The following KCNG3 variants were observed in gnomAD, a reference collection of about 807,000 sequenced individuals.
KCNG3 encodes potassium voltage-gated channel modifier subfamily G member 3.
Under a neutral mutation model 29.0 loss-of-function variants are expected in KCNG3, and 15 were observed. That is an observed-to-expected ratio of 0.52 (90% confidence interval 0.35 to 0.80). KCNG3 has a LOEUF of 0.80. Ranked by LOEUF, KCNG3 falls within the 30% of genes least tolerant of loss-of-function variation. The pLI, the probability that KCNG3 is intolerant of heterozygous loss-of-function variation, is 0.01. For missense variants in KCNG3, 512 were observed against 605.7 expected, an observed-to-expected ratio of 0.85 and a Z score of 1.62; for synonymous variants, 322 against 248.9, an observed-to-expected ratio of 1.29 and a Z score of -2.76.
chr2:42,393,077 T>C, the KCNG3 span, among the ~76,000 whole-genome samples: 4 of 152,158 alleles, frequency 2.6e-5, no homozygotes, highest in Admixed American at 6.6e-5. Context: ...AGCTAATCTC[T>C]CTGTGCCTCA....
At position 42,493,619 on chromosome 2, in the gene KCNG3, C is replaced by T. The variant is rs1261835227; in HGVS notation, c.-118G>A. On this transcript the variant is annotated 5_prime_UTR_variant, in exon 1 of 2. Coordinates refer to ENST00000306078, the MANE Select transcript of KCNG3 (RefSeq NM_133329.6). ...GGGGAGCGCGCCGTCGGGGCCCGCG[C>T]TCCCTCGGGGCTCCGCTCCTGCCCT... The T allele has an allele frequency of 6.7e-6, 6 of 900,858 alleles. No individual in the cohort carries two copies. The highest frequency in any genetic ancestry group is 8.8e-5 in the Admixed American group (2 of 22,618). 55.8% of individuals were successfully genotyped at this position (900,858 alleles called of 1,614,324 possible).
chr2:42,438,798 G>C (rs1447819704), downstream of KCNG3, among the ~76,000 whole-genome samples: 1 of 152,162 alleles, frequency 6.6e-6, no homozygotes, highest in East Asian at 1.9e-4. Context: ...CAAATCTATG[G>C]AAGGCTTCAC....
chr2:42,405,006 T>C, the KCNG3 span, among the ~76,000 whole-genome samples: 1 of 152,248 alleles, frequency 6.6e-6, no homozygotes, highest in South Asian at 2.1e-4. Flanking sequence ...TTTAGAATTA[T>C]GGCCATTGCT....
intron 1 of KCNG3, among the ~76,000 whole-genome samples, chr2:42,475,193 G>C (rs988943446): frequency 1.4e-4 from 21 of 152,144 alleles, no homozygotes; most frequent in Non-Finnish European, 2.9e-5. Context: ...CTGTGCTACT[G>C]GGTGCAGTGT....
intron 1 of KCNG3, among the ~76,000 whole-genome samples, chr2:42,465,549 T>C (rs1426062143): frequency 6.6e-6 from 1 of 152,152 alleles, no homozygotes; most frequent in Non-Finnish European, 1.5e-5. Context: ...ACAGGAGTAA[T>C]GTTTGTGACT....
At chr2:42,421,028 C>T in the KCNG3 span, among the ~76,000 whole-genome samples, 5 of 152,282 alleles carry the variant, frequency 3.3e-5, no homozygotes, top group South Asian at 2.1e-4. Context: ...CACCATAAAA[C>T]GCTACCACAC....
chr2:42,488,778 G>A (rs1371815350), intron 1 of KCNG3, among the ~76,000 whole-genome samples: 2 of 152,020 alleles, frequency 1.3e-5, no homozygotes, highest in Non-Finnish European at 2.9e-5. Flanking sequence ...TCGAACTCCT[G>A]ACCTCAGGTG....
chr2:42,418,586 A>G, the KCNG3 span, among the ~76,000 whole-genome samples: 1 of 152,216 alleles, frequency 6.6e-6, no homozygotes, highest in East Asian at 1.9e-4. Context: ...AAGAGTTTTT[A>G]AAATAAATGC....
At chr2:42,403,590 C>A in the KCNG3 span, among the ~76,000 whole-genome samples, 19 of 149,494 alleles carry the variant, frequency 1.3e-4, no homozygotes, top group Non-Finnish European at 1.8e-4. Flanking sequence ...AGTGATTCTC[C>A]TGCCTCAGTC....
At chr2:42,432,051 A>T in the KCNG3 span, among the ~76,000 whole-genome samples, 4 of 151,716 alleles carry the variant, frequency 2.6e-5, no homozygotes, top group Admixed American at 6.6e-5. Context: ...AAAAAAAAAA[A>T]AAAATCTGGG....
At chr2:42,413,000 C>T in the KCNG3 span, among the ~76,000 whole-genome samples, 6 of 152,000 alleles carry the variant, frequency 3.9e-5, no homozygotes, top group East Asian at 1.9e-4. Context: ...TGCAGGCAGG[C>T]TAGAATGCAC....
the KCNG3 span, among the ~76,000 whole-genome samples, chr2:42,405,681 C>T: frequency 6.6e-6 from 1 of 152,104 alleles, no homozygotes; most frequent in South Asian, 2.1e-4. Flanking sequence ...AATCTCAGCT[C>T]ACTGAAAGCT....
At chr2:42,417,902 G>A in the KCNG3 span, among the ~76,000 whole-genome samples, 3 of 152,036 alleles carry the variant, frequency 2.0e-5, no homozygotes, top group African/African-American at 7.2e-5. Context: ...AATCCAGGAG[G>A]TGCGGGTTGC....
intron 1 of KCNG3, among the ~76,000 whole-genome samples, chr2:42,480,486 T>C (rs1229109293): frequency 6.6e-6 from 1 of 152,160 alleles, no homozygotes; most frequent in African/African-American, 2.4e-5. Flanking sequence ...ATACAGTTTC[T>C]ATTGCAACTA....
At chr2:42,474,435 C>T (rs1046593359) in intron 1 of KCNG3, among the ~76,000 whole-genome samples, 5 of 148,888 alleles carry the variant, frequency 3.4e-5, no homozygotes, top group South Asian at 2.2e-4. Flanking sequence ...GGCTGAGGCA[C>T]GAGAATCGCT....
At chr2:42,434,505 G>C in the KCNG3 span, among the ~76,000 whole-genome samples, 3 of 120,236 alleles carry the variant, frequency 2.5e-5, no homozygotes, top group African/African-American at 6.3e-5. Context: ...GAGGGAAAGA[G>C]AAAAAAATAA....
intron 1 of KCNG3, among the ~76,000 whole-genome samples, chr2:42,474,924 G>A (rs566477905): frequency 6.6e-6 from 1 of 152,288 alleles, no homozygotes; most frequent in East Asian, 1.9e-4. Flanking sequence ...CTGACCCAAT[G>A]TACACGACTT....
intron 1 of KCNG3, among the ~76,000 whole-genome samples, chr2:42,492,271 G>A (rs1459451469): frequency 6.6e-6 from 1 of 152,144 alleles, no homozygotes; most frequent in Non-Finnish European, 1.5e-5. Flanking sequence ...GGAAAAGGGG[G>A]AAGAAAAGGG....
At chr2:42,480,139 T>C (rs1673545890) in intron 1 of KCNG3, among the ~76,000 whole-genome samples, 1 of 152,196 alleles carries the variant, frequency 6.6e-6, no homozygotes, top group African/African-American at 2.4e-5. Context: ...ATTCAATAAG[T>C]TCTAATTATT....
Sources: allele counts gnomAD v4.1 joint callset (sites outside exome capture counted in the v4.1 genomes callset), GRCh38; gene constraint gnomAD v4.1.1; transcripts MANE v1.5; gene names NCBI Gene and HGNC (gene_info 2026-07-23, HGNC 2026-07-21).